SPG11: variants seen among roughly 807,000 people sequenced by gnomAD.
SPG11 encodes the protein spatacsin.
Under a neutral mutation model 274.0 loss-of-function variants are expected in SPG11, and 222 were observed. The observed-to-expected ratio is 0.81, with a 90% CI of 0.73 to 0.91. The LOEUF (loss-of-function observed/expected upper bound fraction) is 0.91. Among genes scored for constraint, SPG11 ranks in the 40% least tolerant of loss-of-function variants. The probability of loss-of-function intolerance (pLI) is 0.00; values close to 1 mark genes in which losing one functional copy is unlikely to be tolerated. For missense variants in SPG11, 3,114 were observed against 2,872.7 expected (o/e 1.08, Z -1.92); for synonymous variants, 1,144 against 1,039.7 (o/e 1.10, Z -1.93).
At chr15:44,595,092 C>T (rs1002699819) in intron 26 of SPG11, among the ~76,000 whole-genome samples, 167 bp downstream of exon 26, 3 of 152,220 alleles carry the variant, frequency 2.0e-5, no homozygotes, top group African/African-American at 7.2e-5. Flanking sequence ...GCTGGGATTA[C>T]AGGCGTGAGC....
At chr15:44,595,541 T>C (rs1013850613) in intron 25 of SPG11, 82 bp from the exon 26 acceptor site, 4 of 1,429,148 alleles carry the variant, frequency 2.8e-6, no homozygotes, top group Non-Finnish European at 2.9e-6. Context: ...ATTTCCTGTT[T>C]AGAATAAGTC....
chr15:44,598,469 C>T, intron 22 of SPG11, 96 bp from the exon 23 acceptor site: 1 of 1,300,212 alleles, frequency 7.7e-7, no homozygotes, highest in East Asian at 2.3e-5. Context: ...ATTTCAGAAC[C>T]CAATTAAAGT....
rs760573942 is a variant in SPG11, at chr15:44,652,135, A to G, written c.1001T>C (p.Ile334Thr). 94 of 1,614,052 alleles carry G rather than the reference A, an allele frequency of 5.8e-5. No homozygotes were observed. The highest frequency in any genetic ancestry group is 1.6e-4 in the Middle Eastern group (1 of 6,082). The change falls in exon 5 of 40, where the codon ATT becomes ACT. Residue 334 changes from isoleucine (I) to threonine (T), a missense_variant. Coordinates refer to ENST00000261866, the MANE Select transcript of SPG11 (RefSeq NM_025137.4). ...GAAAAGGAAGTTTCTGTACCTATCA[A>G]TTTGGAAGGAAAACTTGGCCAGTTT... Reference protein sequence around the residue: ...NMKLAKFSFQIDRSWKAQLSS... With the variant: ...NMKLAKFSFQTDRSWKAQLSS...
rs1216441137 is a variant in SPG11 at position 44,606,035 on chromosome 15, T to C, written c.3510A>G (p.Leu1170=). ...RLFGWQSANT[L]AIGDAWSHLP... is the part of the protein sequence containing the mutation. The stretch of plus-strand genomic sequence containing the variant: ...CCCATGATGACTTACCTCCTATAGC[T>C]AGTGTGTTAGCAGACTGCCAGCCAA... Residue 1170 remains leucine, a synonymous_variant, in exon 20 of 40, where the codon CTA becomes CTG. Coordinates refer to ENST00000261866, the MANE Select transcript of SPG11 (RefSeq NM_025137.4). 6 of 1,613,476 alleles carry C rather than the reference T, an allele frequency of 3.7e-6. No homozygotes were observed. Among genetic ancestry groups the C allele is most frequent in the East Asian group, 2.2e-5 (1 of 44,816 alleles).
chr15:44,662,684 C>T (rs1046051675), intron 1 of SPG11, among the ~76,000 whole-genome samples: 1 of 149,836 alleles, frequency 6.7e-6, no homozygotes, highest in Non-Finnish European at 1.5e-5. Flanking sequence ...AGCAGCAGCC[C>T]ACTCAAAACA....
rs1264219476 is a variant in SPG11, at chr15:44,598,843, A to C, written c.3687-7T>G. 1.6e-5 allele frequency: 26 copies of C among 1,613,862 alleles called. No individual in the cohort carries two copies. Among genetic ancestry groups the C allele is most frequent in the Non-Finnish European group, 2.2e-5 (26 of 1,179,770 alleles). On this transcript the variant is annotated splice_polypyrimidine_tract_variant and splice_region_variant and intron_variant, in intron 21 of 39. Coordinates refer to ENST00000261866, the MANE Select transcript of SPG11 (RefSeq NM_025137.4). ...ATTGCCTACTTGCTGGATCCTGAAA[A>C]AGAAAGGAATCAAAATCACATCAGC...
chr15:44,596,472 G>A, intron 24 of SPG11, 117 bp from the exon 25 acceptor site: 4 of 1,163,628 alleles, frequency 3.4e-6, no homozygotes, highest in South Asian at 2.6e-5. Flanking sequence ...CTAAGTCAGA[G>A]TGACTATTAT....
At position 44,596,042 on chromosome 15, in the gene SPG11, T is replaced by C. The variant is rs376766241; in HGVS notation, c.4434+41A>G. On this transcript the variant is annotated intron_variant, in intron 25 of 39. Transcript: ENST00000261866. ...TCCTGTCCCTCATTACTTATTCTAT[T>C]GTTCTCTGGGTACTTACTTCAGGCT... 4 of 1,610,936 alleles carry C rather than the reference T, an allele frequency of 2.5e-6. No individual in the cohort carries two copies. In the African/African-American group the frequency reaches 4.0e-5, roughly 16 times the overall value.
chr15:44,604,603 AC>A (rs1170069455), intron 20 of SPG11, among the ~76,000 whole-genome samples: 1 of 152,198 alleles, frequency 6.6e-6, no homozygotes, highest in African/African-American at 2.4e-5. Context: ...AAAGAAGTCA[AC>A]ATTCAAATTA....
intron 30 of SPG11, among the ~76,000 whole-genome samples, chr15:44,580,871 T>C (rs2082645950): frequency 6.6e-6 from 1 of 152,196 alleles, no homozygotes; most frequent in Non-Finnish European, 1.5e-5. Context: ...GTACTTGAAG[T>C]TCCAGAAAGA....
At chr15:44,639,609 G>C (rs976012611) in intron 7 of SPG11, among the ~76,000 whole-genome samples, 7 of 152,048 alleles carry the variant, frequency 4.6e-5, no homozygotes, top group African/African-American at 1.7e-4. Flanking sequence ...GGCTCACATG[G>C]GGGTATCCCT....
At chr15:44,622,577 GA>G (rs2083783715) in intron 12 of SPG11, 150 bp downstream of exon 12, 9 of 784,108 alleles carry the variant, frequency 1.1e-5, no homozygotes, top group African/African-American at 3.5e-5. Context: ...AGATGAAGGG[GA>G]AAAAAAGATG....
intron 7 of SPG11, among the ~76,000 whole-genome samples, chr15:44,643,146 T>C (rs1204719856): frequency 6.6e-6 from 1 of 152,148 alleles, no homozygotes; most frequent in Non-Finnish European, 1.5e-5. Flanking sequence ...TGTGCACTGT[T>C]TAAGGGGAGA....
chr15:44,657,271 T>C lies in SPG11; in HGVS notation c.693A>G (p.Thr231=). The change falls in exon 4 of 40, where the codon ACA becomes ACG. Residue 231 remains threonine (T), a synonymous_variant. Coordinates refer to ENST00000261866, the MANE Select transcript of SPG11 (RefSeq NM_025137.4). ...GTGCTAAATCCACATGAGCTACATA[T>C]GTACCATCCACAACATCAAAAATGT... The part of the protein sequence containing the change: ...WIYIFDVVDG[T]YVAHVDLALH... 6.8e-6 allele frequency: 11 copies of C among 1,614,224 alleles called. No individual in the cohort carries two copies. Among genetic ancestry groups the C allele is most frequent in the Non-Finnish European group, 8.5e-6 (10 of 1,180,040 alleles).
chr15:44,600,390 T>C (rs2083153874), intron 21 of SPG11, 77 bp downstream of exon 21: 1 of 1,516,576 alleles, frequency 6.6e-7, no homozygotes, highest in Non-Finnish European at 9.1e-7. Context: ...GCTCAAGTGA[T>C]CCTCCTGCTT....
At position 44,570,755 on chromosome 15, in the gene SPG11, G is replaced by A. The variant is rs1007792200; in HGVS notation, c.6344-97C>T. The A allele has an allele frequency of 3.2e-5, 48 of 1,512,258 alleles. No individual in the cohort carries two copies. The Admixed American group carries it at 9.0e-4, about 28-fold the overall frequency. The allele number at this position is 1,512,258 out of a possible 1,614,324, so 93.7% of individuals were successfully genotyped here. On this transcript the variant is annotated intron_variant, in intron 33 of 39. Transcript: ENST00000261866. ...AGGGAAAAAGGGCCTGGTGGAGAAG[G>A]GGCCTGTCTGGAGAGGGCCGTCCCA...
At chr15:44,596,470 G>T in intron 24 of SPG11, 115 bp from the exon 25 acceptor site, 1 of 1,174,812 alleles carries the variant, frequency 8.5e-7, no homozygotes, top group South Asian at 1.3e-5. Context: ...AACTAAGTCA[G>T]AGTGACTATT....
chr15:44,596,750 CCTTTT>C (rs772973200), intron 24 of SPG11, 29 bp downstream of exon 24: 1 of 1,455,528 alleles, frequency 6.9e-7, no homozygotes, highest in Non-Finnish European at 9.3e-7. Context: ...GTTCCTATTT[CCTTTT>C]GAGTGACTGC....
chr15:44,625,841 G>A (rs374109130), intron 11 of SPG11, among the ~76,000 whole-genome samples: 5 of 151,798 alleles, frequency 3.3e-5, no homozygotes, highest in East Asian at 3.9e-4. Flanking sequence ...CACCACACCC[G>A]GCTTATTTTT....
Sources: gnomAD v4.1 joint callset for allele counts (sites outside exome capture counted in the v4.1 genomes callset) on GRCh38, gnomAD v4.1.1 for gene constraint, MANE v1.5 for transcripts, NCBI Gene and HGNC (gene_info 2026-07-23, HGNC 2026-07-21) for gene names.